Variants in TBK1 observed in about 807,000 individuals in gnomAD.
TBK1 encodes the protein TANK binding kinase 1, also known as serine/threonine-protein kinase TBK1.
TBK1 carries 37 observed loss-of-function variants against 99.9 expected under a neutral mutation model. The ratio of observed to expected loss-of-function variants is 0.37; its 90% CI spans 0.28 to 0.49. TBK1 has a LOEUF of 0.49. Among genes scored for constraint, TBK1 ranks in the 20% least tolerant of loss-of-function variants. The probability of loss-of-function intolerance (pLI) is 0.98; values close to 1 mark genes in which losing one functional copy is unlikely to be tolerated. For synonymous variants in TBK1, 258 were observed against 279.8 expected, an observed-to-expected ratio of 0.92 and a Z score of 0.78; for missense variants, 644 against 872.5, an observed-to-expected ratio of 0.74 and a Z score of 3.30.
At chr12:64,482,200 G>A (rs1402981300) in intron 8 of TBK1, among the ~76,000 whole-genome samples, 179 bp downstream of exon 8, 1 of 152,148 alleles carries the variant, frequency 6.6e-6, no homozygotes, top group Non-Finnish European at 1.5e-5. Flanking sequence ...TAAAAGGATT[G>A]ATAATTCTAA....
At chr12:64,484,266 C>G (rs769081207) in intron 8 of TBK1, 37 bp from the exon 9 acceptor site, 2 of 1,406,362 alleles carry the variant, frequency 1.4e-6, no homozygotes, top group African/African-American at 1.4e-5. Flanking sequence ...TCACTTTATC[C>G]CCAGTTATAG....
Position 64,454,999 on chromosome 12 carries a change from T to G in TBK1, c.-31-841T>G, listed in dbSNP as rs1221266287. 3.3e-5 allele frequency among the ~76,000 whole-genome samples: 5 copies of G among 149,670 alleles called. 1 individual carries two copies. The East Asian group carries it at 5.9e-4, about 18-fold the overall frequency. ...GCCAATTTTTTTTTTTTCTTTTTTT[T>G]TTTTTTGCGATGGAGTCTTGCTCTG... On this transcript the variant is annotated intron_variant, in intron 1 of 20. Transcript: ENST00000331710.
At chr12:64,460,426 A>G (rs920524356) in intron 3 of TBK1, 97 bp downstream of exon 3, 3 of 984,702 alleles carry the variant, frequency 3.0e-6, no homozygotes, top group Non-Finnish European at 4.3e-6. Context: ...ACTGTTGAAA[A>G]TTAGGGTTTG....
chr12:64,484,648 A>T lies in TBK1; in HGVS notation c.1189+149A>T, dbSNP rs566900460. On this transcript the variant is annotated intron_variant, in intron 9 of 20. Transcript: ENST00000331710. ...GCACCTGTAGTCCCAGCTGCATGGG[A>T]GGCTGAGGTAGGAGGATCACTTGAG... The T allele has an allele frequency of 1.3e-5, 9 of 697,538 alleles. No homozygotes were observed. The African/African-American group carries it at 1.4e-4, about 11-fold the overall frequency. 43.2% of individuals were successfully genotyped at this position (697,538 alleles called of 1,614,324 possible). A position where few individuals can be genotyped will look rare whatever the true frequency, so the allele number is the denominator to read the frequency against.
At chr12:64,457,346 C>CT (rs1338300273) in intron 2 of TBK1, among the ~76,000 whole-genome samples, 1 of 152,170 alleles carries the variant, frequency 6.6e-6, no homozygotes. Context: ...GCTCTGGATT[C>CT]TTATTCAGAT....
chr12:64,479,940 C>A, intron 6 of TBK1, 72 bp from the exon 7 acceptor site: 1 of 1,013,222 alleles, frequency 9.9e-7, no homozygotes, highest in Non-Finnish European at 1.5e-6. Flanking sequence ...TGAGGAAATA[C>A]TTTTGCAAAG....
At chr12:64,484,594 A>G in intron 9 of TBK1, 95 bp downstream of exon 9, 1 of 1,261,872 alleles carries the variant, frequency 7.9e-7, no homozygotes, top group Non-Finnish European at 1.1e-6. Context: ...CAAAAAAATA[A>G]AACAAAAATT....
In TBK1 at chr12:64,490,099, A is replaced by G; in HGVS notation, c.1501A>G (p.Ile501Val). ...GGCAGAGTTAGGTGAAATTTCAGAC[A>G]TACACACCAAATTGTTGAGAGTAAG... Reference protein sequence around the residue: ...EAAELGEISDIHTKLLRLSSS... With the variant: ...EAAELGEISDVHTKLLRLSSS... Residue 501 changes from isoleucine to valine, a missense_variant, in exon 13 of 21, where the codon ATA becomes GTA. Transcript: ENST00000331710. 6.2e-7 allele frequency: 1 copy of G among 1,611,382 alleles called. No individual in the cohort carries two copies.
intron 8 of TBK1, among the ~76,000 whole-genome samples, chr12:64,483,878 A>G (rs1298951699): frequency 6.6e-6 from 1 of 152,050 alleles, no homozygotes; most frequent in Admixed American, 6.6e-5. Flanking sequence ...GTGGTGGTGC[A>G]TGTTTGTAAT....
intron 5 of TBK1, among the ~76,000 whole-genome samples, chr12:64,467,600 ATACT>A (rs2040619920): frequency 6.6e-6 from 1 of 152,302 alleles, no homozygotes; most frequent in Non-Finnish European, 1.5e-5. Context: ...AATATTTGAA[ATACT>A]TAAGAAAATA....
chr12:64,475,954 G>T (rs1027481667), intron 6 of TBK1, among the ~76,000 whole-genome samples: 1 of 152,052 alleles, frequency 6.6e-6, no homozygotes, highest in Non-Finnish European at 1.5e-5. Context: ...TTTCGTAGGG[G>T]CTGAACTAAT....
intron 2 of TBK1, among the ~76,000 whole-genome samples, chr12:64,459,773 T>G (rs188198407): frequency 2.0e-5 from 3 of 152,362 alleles, no homozygotes; most frequent in Non-Finnish European, 2.9e-5. Context: ...GTGTTCAGTC[T>G]CTCTCTCCTG....
intron 2 of TBK1, among the ~76,000 whole-genome samples, chr12:64,456,402 C>T (rs1171856934): frequency 6.6e-6 from 1 of 152,092 alleles, no homozygotes; most frequent in Middle Eastern, 3.2e-3. Flanking sequence ...CCTACTAAAA[C>T]AGCATCCTAC....
intron 1 of TBK1, among the ~76,000 whole-genome samples, chr12:64,455,454 C>A (rs909872035): frequency 1.3e-5 from 2 of 152,094 alleles, no homozygotes; most frequent in African/African-American, 4.8e-5. Flanking sequence ...ACCATTATGT[C>A]AAATTTTAGT....
chr12:64,464,192 C>A, intron 3 of TBK1, 142 bp from the exon 4 acceptor site: 2 of 578,820 alleles, frequency 3.5e-6, no homozygotes, highest in South Asian at 2.3e-5. Flanking sequence ...TGTGTATGTT[C>A]AACAGATACT....
chr12:64,453,795 T>G (rs879305138), intron 1 of TBK1, among the ~76,000 whole-genome samples: 25 of 152,222 alleles, frequency 1.6e-4, no homozygotes, highest in Non-Finnish European at 3.2e-4. Context: ...GTGTGGAGCT[T>G]GGATACTTTG....
intron 1 of TBK1, among the ~76,000 whole-genome samples, chr12:64,454,493 C>T (rs1385102105): frequency 6.6e-6 from 1 of 151,912 alleles, no homozygotes; most frequent in African/African-American, 2.4e-5. Flanking sequence ...GTGATCCGCC[C>T]GCCTCGGCCT....
At chr12:64,456,134 C>T (rs557283871) in intron 2 of TBK1, among the ~76,000 whole-genome samples, 177 bp downstream of exon 2, 2 of 152,046 alleles carry the variant, frequency 1.3e-5, no homozygotes, top group African/African-American at 4.8e-5. Flanking sequence ...ACATATCTAC[C>T]CAGTGGTGGC....
chr12:64,485,360 T>C, intron 9 of TBK1, 95 bp from the exon 10 acceptor site: 1 of 533,980 alleles, frequency 1.9e-6, no homozygotes, highest in South Asian at 3.3e-5. Flanking sequence ...ATTTTGCCAC[T>C]AATGTTTAAT....
Sources: allele counts gnomAD v4.1 joint callset (sites outside exome capture counted in the v4.1 genomes callset), GRCh38; gene constraint gnomAD v4.1.1; transcripts MANE v1.5; gene names NCBI Gene and HGNC (gene_info 2026-07-23, HGNC 2026-07-21).